OCA2: variants seen among roughly 807,000 people sequenced by gnomAD.
OCA2 encodes the protein OCA2 melanosomal transmembrane protein.
OCA2 carries 77 observed loss-of-function variants against 100.2 expected under a neutral mutation model. That is an observed-to-expected ratio of 0.77 (90% CI 0.64 to 0.93). The LOEUF is 0.93. Among genes scored for constraint, OCA2 ranks in the 40% least tolerant of loss-of-function variants. OCA2 has a pLI of 0.00. For synonymous variants in OCA2, 432 were observed against 439.2 expected (o/e 0.98, Z 0.21); for missense variants, 1,062 against 1,089.1 (o/e 0.98, Z 0.35).
chr15:27,937,095 G>A (rs905992286), intron 18 of OCA2, among the ~76,000 whole-genome samples: 3 of 152,132 alleles, frequency 2.0e-5, no homozygotes, highest in Non-Finnish European at 2.9e-5. Flanking sequence ...TTTCATGACC[G>A]AGGATGCCAG....
At chr15:27,992,796 CTT>C (rs2041598072) in intron 9 of OCA2, among the ~76,000 whole-genome samples, 1 of 152,162 alleles carries the variant, frequency 6.6e-6, no homozygotes. Flanking sequence ...TTTGGGCTAA[CTT>C]TGTCTGGACG....
At chr15:27,723,567 A>G in the OCA2 span, among the ~76,000 whole-genome samples, 50 of 152,032 alleles carry the variant, frequency 3.3e-4, no homozygotes, top group African/African-American at 1.2e-3. Flanking sequence ...CAGTGTGAAG[A>G]ACCGACCTGG....
intron 23 of OCA2, among the ~76,000 whole-genome samples, chr15:27,809,748 A>T (rs2034000145): frequency 6.6e-6 from 1 of 152,204 alleles, no homozygotes; most frequent in African/African-American, 2.4e-5. Flanking sequence ...CAAATCAAGA[A>T]CTCAATCCCT....
At chr15:27,984,440 C>T (rs553528648) in intron 13 of OCA2, among the ~76,000 whole-genome samples, 2 of 152,234 alleles carry the variant, frequency 1.3e-5, no homozygotes, top group Non-Finnish European at 2.9e-5. Context: ...ACACAGGACC[C>T]GGCCTTGGGT....
chr15:27,913,847 G>GAAAGAA (rs2038509147), intron 19 of OCA2, among the ~76,000 whole-genome samples: 1 of 29,364 alleles, frequency 3.4e-5, no homozygotes, highest in Non-Finnish European at 6.0e-5. Context: ...AGGAAAGAAA[G>GAAAGAA]AAAGAAAGAA....
intron 23 of OCA2, among the ~76,000 whole-genome samples, chr15:27,814,132 GA>G (rs2034185794): frequency 6.6e-6 from 1 of 152,006 alleles, no homozygotes; most frequent in Non-Finnish European, 1.5e-5. Flanking sequence ...TGATCAATGA[GA>G]AATGAGGTCT....
intron 14 of OCA2, among the ~76,000 whole-genome samples, chr15:27,968,448 C>T (rs1041414259): frequency 5.3e-5 from 8 of 152,194 alleles, no homozygotes; most frequent in African/African-American, 1.9e-4. Flanking sequence ...TCACACAGAA[C>T]GTTAGTGAGG....
chr15:27,989,523 A>C, intron 11 of OCA2, 78 bp downstream of exon 11: 1 of 1,136,600 alleles, frequency 8.8e-7, no homozygotes, highest in Non-Finnish European at 1.3e-6. Flanking sequence ...ATAATGAAGG[A>C]CCCTCAGCGG....
intron 2 of OCA2, among the ~76,000 whole-genome samples, chr15:28,072,589 C>CAAAAAAAAAAA (rs760224063): frequency 5.0e-5 from 3 of 60,060 alleles, no homozygotes; most frequent in African/African-American, 9.8e-5. Context: ...GATTCCGTCT[C>CAAAAAAAAAAA]AAAAAAAAAA....
chr15:28,089,781 G>A (rs72625135), intron 1 of OCA2, among the ~76,000 whole-genome samples: 15,029 of 152,094 alleles, frequency 0.099, 1,808 homozygotes, highest in East Asian at 0.66. Context: ...ACAGACACTG[G>A]GGACTACTGG....
rs71132822 is a variant in OCA2, at chr15:27,814,945, T to TAGATAGATAGATAGAG, written c.2432+30013_2432+30014insCTCTATCTATCTATCT. Among the ~76,000 whole-genome samples the TAGATAGATAGATAGAG allele has an allele frequency of 2.2e-3, 234 of 107,428 alleles. 10 individuals carry two copies. The highest frequency in any genetic ancestry group is 3.3e-3 in the South Asian group (10 of 3,066). The allele number at this position is 107,428 out of a possible 152,430, so 70.5% of individuals were successfully genotyped here. A position where few individuals can be genotyped will look rare whatever the true frequency, so the allele number is the denominator to read the frequency against. On this transcript the variant is annotated intron_variant, in intron 23 of 23. Transcript: ENST00000354638. ...ATAGATAGATAGATAGATAGATAGA[T>TAGATAGATAGATAGAG]ACAGAGATATATATATATATATCTT...
chr15:27,784,496 CAA>C (rs1003759171), intron 23 of OCA2, among the ~76,000 whole-genome samples: 3 of 152,144 alleles, frequency 2.0e-5, no homozygotes, highest in Admixed American at 6.5e-5. Context: ...AAGAACCTCT[CAA>C]GAGATAATGC....
intron 9 of OCA2, among the ~76,000 whole-genome samples, chr15:27,997,657 G>C (rs1260128668): frequency 1.5e-5 from 2 of 134,550 alleles, no homozygotes; most frequent in African/African-American, 5.0e-5. Context: ...ACTTGGCGAT[G>C]CGGGCTCTTT....
intron 12 of OCA2, 50 bp from the exon 13 acceptor site, chr15:27,985,238 A>G (rs763534454): frequency 1.9e-6 from 3 of 1,608,888 alleles, no homozygotes; most frequent in Non-Finnish European, 2.5e-6. Context: ...GCAGGCTCGT[A>G]GAACAGAGGC....
chr15:27,891,406 G>A (rs772515715), intron 19 of OCA2, among the ~76,000 whole-genome samples: 2 of 152,164 alleles, frequency 1.3e-5, no homozygotes, highest in East Asian at 3.8e-4. Context: ...TGGAAACAGA[G>A]GAAATAAAGA....
At chr15:28,056,381 C>CT (rs1168992028) in intron 2 of OCA2, among the ~76,000 whole-genome samples, 3 of 152,204 alleles carry the variant, frequency 2.0e-5, no homozygotes, top group Non-Finnish European at 1.5e-5. Flanking sequence ...GCTTGTGCAA[C>CT]TTTAAGTTTT....
intron 3 of OCA2, among the ~76,000 whole-genome samples, chr15:28,030,850 GAA>G (rs1236837063): frequency 6.6e-6 from 1 of 152,224 alleles, no homozygotes; most frequent in Non-Finnish European, 1.5e-5. Context: ...ATGTGATTAT[GAA>G]AAGAGTCACA....
chr15:27,942,105 T>C (rs2039667938), intron 18 of OCA2, among the ~76,000 whole-genome samples: 1 of 151,848 alleles, frequency 6.6e-6, no homozygotes, highest in African/African-American at 2.4e-5. Flanking sequence ...AGGCAGGGTT[T>C]CTAAAAGTTC....
At chr15:27,895,507 C>A (rs2594893) in intron 19 of OCA2, among the ~76,000 whole-genome samples, 67,033 of 152,018 alleles carry the variant, frequency 0.44, 17,237 homozygotes, top group African/African-American at 0.69. Flanking sequence ...CCAGACGGAC[C>A]TGAGGAACTT....
Sources: allele counts gnomAD v4.1 joint callset (sites outside exome capture counted in the v4.1 genomes callset), GRCh38; gene constraint gnomAD v4.1.1; transcripts MANE v1.5; gene names NCBI Gene and HGNC (gene_info 2026-07-23, HGNC 2026-07-21).